The following DYM variants were observed in gnomAD, a reference collection of about 807,000 sequenced individuals.
The protein encoded by DYM is dymeclin.
Under a neutral mutation model 93.1 loss-of-function variants are expected in DYM, and 78 were observed. The observed-to-expected ratio is 0.84, with a 90% CI of 0.70 to 1.01. The LOEUF (loss-of-function observed/expected upper bound fraction) is 1.01, where lower values mean the gene tolerates loss of function less well. Among genes scored for constraint, DYM ranks in the 50% least tolerant of loss-of-function variants. The pLI is 0.00. For synonymous variants in DYM, 321 were observed against 319.7 expected, an observed-to-expected ratio of 1.00 and a Z score of -0.04; for missense variants, 789 against 845.0, an observed-to-expected ratio of 0.93 and a Z score of 0.82.
intron 1 of DYM, among the ~76,000 whole-genome samples, chr18:49,447,780 G>T (rs2148669342): frequency 6.6e-6 from 1 of 152,296 alleles, no homozygotes; most frequent in South Asian, 2.1e-4. Context: ...TGTGTGGGAA[G>T]TTTTATGGTT....
intron 3 of DYM, among the ~76,000 whole-genome samples, chr18:49,389,244 TTTTTAAACATGTAAC>T (rs1291740252): frequency 6.6e-6 from 1 of 152,186 alleles, no homozygotes; most frequent in East Asian, 1.9e-4. Flanking sequence ...CCCAAAAGTA[TTTTTAAACATGTAAC>T]ACATTCCTGA....
intron 17 of DYM, among the ~76,000 whole-genome samples, 191 bp from the exon 18 acceptor site, chr18:49,044,395 G>A (rs568148500): frequency 3.3e-5 from 5 of 152,310 alleles, no homozygotes; most frequent in South Asian, 2.1e-4. Context: ...GTGAATTACC[G>A]ATGGAGAGAG....
At chr18:49,369,363 G>A (rs1177007360) in intron 5 of DYM, among the ~76,000 whole-genome samples, 3 of 152,274 alleles carry the variant, frequency 2.0e-5, no homozygotes, top group African/African-American at 7.2e-5. Context: ...AAGGGGGGTG[G>A]CCTCCTAACA....
intron 6 of DYM, among the ~76,000 whole-genome samples, chr18:49,339,070 G>T (rs1450613301): frequency 2.6e-5 from 4 of 151,946 alleles, no homozygotes; most frequent in African/African-American, 9.7e-5. Context: ...AAAATCAAAA[G>T]ATATAAACAG....
At chr18:49,208,336 T>C (rs1464129965) in intron 14 of DYM, 1 of 152,176 alleles carries the variant, frequency 6.6e-6, no homozygotes, top group Non-Finnish European at 1.5e-5. Flanking sequence ...TTACCTGATA[T>C]TCCCTCACTT....
At chr18:49,438,058 A>G (rs2148540891) in intron 1 of DYM, among the ~76,000 whole-genome samples, 1 of 152,152 alleles carries the variant, frequency 6.6e-6, no homozygotes, top group East Asian at 1.9e-4. Context: ...GTGGTGGCAC[A>G]AGCCTGTGGT....
At position 49,328,841 on chromosome 18, in the gene DYM, T is replaced by C. The variant is rs2063105722; in HGVS notation, c.763+3023A>G. Among the ~76,000 whole-genome samples, 3 of 152,280 alleles carry C rather than the reference T, an allele frequency of 2.0e-5. No homozygotes were observed. In the South Asian group the frequency reaches 6.2e-4, roughly 32 times the overall value. On this transcript the variant is annotated intron_variant, in intron 8 of 17. Coordinates refer to ENST00000675505, the MANE Select transcript of DYM (RefSeq NM_001353214.3). ...CACTTTTACACTGTTGGTGGGACTGTAAACTAGTTCAACCATTGTGGAAGA... is the reference window on the plus strand; with the variant it reads ...CACTTTTACACTGTTGGTGGGACTGCAAACTAGTTCAACCATTGTGGAAGA...
chr18:49,076,840 G>A (rs985962986), intron 17 of DYM, among the ~76,000 whole-genome samples: 8 of 152,264 alleles, frequency 5.3e-5, no homozygotes, highest in Admixed American at 2.0e-4. Context: ...TGGGCTGTGC[G>A]AGAAGGAATG....
intron 15 of DYM, 94 bp downstream of exon 15, chr18:49,163,591 G>A: frequency 1.3e-6 from 1 of 783,916 alleles, no homozygotes; most frequent in Non-Finnish European, 2.2e-6. Flanking sequence ...TGATCCATCT[G>A]CCTCGGCCTC....
chr18:49,450,916 C>A (rs570758465), intron 1 of DYM, among the ~76,000 whole-genome samples: 2 of 151,332 alleles, frequency 1.3e-5, no homozygotes, highest in South Asian at 4.1e-4. Context: ...GGACTTTCAA[C>A]AGGTGTCCTC....
In DYM at chr18:49,443,451, G is replaced by A. The variant is rs1226331673; in HGVS notation, c.-53-13004C>T. Among the ~76,000 whole-genome samples, 3 of 152,144 alleles carry A rather than the reference G, an allele frequency of 2.0e-5. No individual in the cohort carries two copies. In the East Asian group the frequency reaches 5.8e-4, roughly 29 times the overall value. On this transcript the variant is annotated intron_variant, in intron 1 of 17. Coordinates refer to ENST00000675505, the MANE Select transcript of DYM (RefSeq NM_001353214.3). ...TTGCCATACTATAACTATTTTACCA[G>A]TGACTATCACGTCAAAAAAACAGAA...
chr18:49,393,025 A>AG lies in DYM; in HGVS notation c.141-1381dup, dbSNP rs1247996249. On this transcript the variant is annotated intron_variant, in intron 2 of 17. Transcript: ENST00000675505. The stretch of plus-strand genomic sequence containing the variant: ...AAAAAAAAGAAGAAGAAGAAGAGGA[A>AG]GAAGGAGGAGGAGGAGGAGGAGGAG... 1.4e-4 allele frequency among the ~76,000 whole-genome samples: 11 copies of AG among 80,670 alleles called. 2 individuals carry two copies. Among genetic ancestry groups the AG allele is most frequent in the East Asian group, 6.8e-4 (1 of 1,468 alleles). The allele number at this position is 80,670 out of a possible 152,430, so 52.9% of individuals were successfully genotyped here.
chr18:49,166,294 A>T (rs1226766244), intron 14 of DYM, among the ~76,000 whole-genome samples: 1 of 152,174 alleles, frequency 6.6e-6, no homozygotes, highest in African/African-American at 2.4e-5. Context: ...TTGTCTATCT[A>T]ACAATATATT....
At chr18:49,246,508 T>C (rs2094170511) in intron 13 of DYM, among the ~76,000 whole-genome samples, 1 of 152,120 alleles carries the variant, frequency 6.6e-6, no homozygotes, top group Non-Finnish European at 1.5e-5. Context: ...GTGCCTCTTT[T>C]CTCTCTGTTC....
chr18:49,144,093 G>T (rs181421087), intron 15 of DYM, among the ~76,000 whole-genome samples: 41 of 152,244 alleles, frequency 2.7e-4, no homozygotes, highest in Non-Finnish European at 7.4e-5. Context: ...GGCAGAATGA[G>T]AATTCAAATA....
chr18:49,263,661 G>A (rs2094524904), intron 11 of DYM, among the ~76,000 whole-genome samples: 1 of 151,802 alleles, frequency 6.6e-6, no homozygotes, highest in South Asian at 2.1e-4. Flanking sequence ...CCTGGGAGGT[G>A]GAGGTTGCAC....
chr18:49,291,915 A>C (rs1163542057), intron 8 of DYM, among the ~76,000 whole-genome samples: 1 of 152,158 alleles, frequency 6.6e-6, no homozygotes, highest in East Asian at 1.9e-4. Flanking sequence ...TCATTTTAAA[A>C]CATTTAAAGC....
intron 11 of DYM, among the ~76,000 whole-genome samples, chr18:49,263,625 G>C (rs1397701559): frequency 1.3e-5 from 2 of 151,742 alleles, no homozygotes; most frequent in African/African-American, 4.8e-5. Flanking sequence ...AGCTACTCCA[G>C]AGGCAGAGGC....
At chr18:49,237,903 C>CTT (rs112395450) in intron 13 of DYM, among the ~76,000 whole-genome samples, 11,018 of 144,886 alleles carry the variant, frequency 0.076, 644 homozygotes, top group East Asian at 0.31. Flanking sequence ...GTACCTTACT[C>CTT]TTTTTTTTTT....
Sources: gnomAD v4.1 joint callset for allele counts (sites outside exome capture counted in the v4.1 genomes callset) on GRCh38, gnomAD v4.1.1 for gene constraint, MANE v1.5 for transcripts, NCBI Gene and HGNC (gene_info 2026-07-23, HGNC 2026-07-21) for gene names.